CCDC27: variants seen among roughly 807,000 people sequenced by gnomAD.
CCDC27 encodes the protein coiled-coil domain-containing protein 27.
In CCDC27, 80 loss-of-function variants were observed where a neutral mutation model predicts 80.3. That is an observed-to-expected ratio of 1.00 (90% confidence interval 0.83 to 1.20). The LOEUF (loss-of-function observed/expected upper bound fraction) is 1.20. Ranked by LOEUF, CCDC27 falls within the 50% of genes most tolerant of loss-of-function variation. CCDC27 has a pLI of 0.00. For synonymous variants in CCDC27, 342 were observed against 334.3 expected (o/e 1.02, Z -0.25); for missense variants, 815 against 809.4 (o/e 1.01, Z -0.08).
chr1:3,770,232 G>C (rs564553910), intron 11 of CCDC27, among the ~76,000 whole-genome samples: 1 of 152,174 alleles, frequency 6.6e-6, no homozygotes, highest in Non-Finnish European at 1.5e-5. Context: ...GCCCAGCCCC[G>C]GCTTTGTCCA....
Position 3,766,718 on chromosome 1 carries a change from C to G in CCDC27, c.1530+106C>G. 1.2e-6 allele frequency: 1 copy of G among 859,192 alleles called. No homozygotes were observed. The highest frequency in any genetic ancestry group is 1.8e-6 in the Non-Finnish European group (1 of 540,910). The allele number at this position is 859,192 out of a possible 1,614,324, so 53.2% of individuals were successfully genotyped here. On this transcript the variant is annotated intron_variant, in intron 9 of 11. Coordinates refer to ENST00000294600, the MANE Select transcript of CCDC27 (RefSeq NM_152492.3). The surrounding 1 kb of genome is among the most constrained non-coding windows in gnomAD (Gnocchi z 6.1). ...GGCTGGAGCGTCTTCACAGCTGAGC[C>G]AGGACCCCTTCGGTAGCATGCCACT...
intron 11 of CCDC27, among the ~76,000 whole-genome samples, chr1:3,770,504 G>C (rs1015402063): frequency 5.9e-5 from 9 of 152,244 alleles, no homozygotes; most frequent in African/African-American, 2.2e-4. Flanking sequence ...ATGCTCACCT[G>C]CAAGGTGTCG....
In CCDC27 at chr1:3,769,697, A is replaced by T; in HGVS notation, c.1744-86A>T. 5.6e-6 allele frequency: 5 copies of T among 888,338 alleles called. No homozygotes were observed. 55.0% of individuals were successfully genotyped at this position (888,338 alleles called of 1,614,324 possible). On this transcript the variant is annotated intron_variant, in intron 10 of 11. Coordinates refer to ENST00000294600, the MANE Select transcript of CCDC27 (RefSeq NM_152492.3). The surrounding 1 kb of genome is among the most constrained non-coding windows in gnomAD (Gnocchi z 4.6). Reference sequence around the variant, plus strand: ...GTGAGCTGTTCCTTCCTGGTACATAAAAAATAAGGTGGTGGGGGGTGCAGC... The same window carrying T: ...GTGAGCTGTTCCTTCCTGGTACATATAAAATAAGGTGGTGGGGGGTGCAGC...
Position 3,769,712 on chromosome 1 carries a change from G to A in CCDC27, c.1744-71G>A. 3 of 992,746 alleles carry A rather than the reference G, an allele frequency of 3.0e-6. No homozygotes were observed. Among genetic ancestry groups the A allele is most frequent in the East Asian group, 2.4e-5 (1 of 41,952 alleles). The allele number at this position is 992,746 out of a possible 1,614,324, so 61.5% of individuals were successfully genotyped here. On this transcript the variant is annotated intron_variant, in intron 10 of 11. Coordinates refer to ENST00000294600, the MANE Select transcript of CCDC27 (RefSeq NM_152492.3). This position sits in a 1 kb window ranked among gnomAD's most constrained non-coding sequence, Gnocchi z 4.6. ...CTGGTACATAAAAAATAAGGTGGTG[G>A]GGGGTGCAGCCCACTGGCCAGGTGC...
rs41315314 is a variant in CCDC27, at chr1:3,752,765, C to A, written c.284C>A (p.Ser95Ter). 2 of 1,613,030 alleles carry A rather than the reference C, an allele frequency of 1.2e-6. No individual in the cohort carries two copies. Among genetic ancestry groups the A allele is most frequent in the Non-Finnish European group, 1.7e-6 (2 of 1,179,638 alleles). Residue 95 changes from serine (S) to a stop codon, truncating the protein, a stop_gained, in exon 1 of 12, where the codon TCG becomes TAG. Transcript: ENST00000294600. LOFTEE classifies it high-confidence loss of function. ...CAAAAGCCACGCACGCTCAGCAAGTCGGTCCAGACCATCAGCCGCTACTAC... is the reference window on the plus strand; with the variant it reads ...CAAAAGCCACGCACGCTCAGCAAGTAGGTCCAGACCATCAGCCGCTACTAC... ...PHQKPRTLSK[S>*]VQTISRYYRK...
At chr1:3,755,419 C>A (rs1297296192) in intron 2 of CCDC27, 38 bp from the exon 3 acceptor site, 5 of 1,538,950 alleles carry the variant, frequency 3.2e-6, no homozygotes, top group Non-Finnish European at 4.5e-6. Flanking sequence ...GAGACAAGAC[C>A]GCAGCAGTCA....
Position 3,755,544 on chromosome 1 carries a change from G to A in CCDC27, c.530G>A (p.Arg177Gln), listed in dbSNP as rs201434850. 699 of 1,613,966 alleles carry A rather than the reference G, an allele frequency of 4.3e-4. 3 individuals are homozygous for A. The East Asian group carries it at 4.7e-3, about 11-fold the overall frequency. Residue 177 changes from arginine (R) to glutamine (Q), a missense_variant, in exon 3 of 12, where the codon CGG (arginine) becomes CAG (glutamine). Coordinates refer to ENST00000294600, the MANE Select transcript of CCDC27 (RefSeq NM_152492.3). ...ACCCAGGACCTGTTCTTGGCCAGGC[G>A]GGGCTCAGACACGAACGTGGACGGT... ...RGTQDLFLAR[R>Q]GSDTNVDGYL... is the part of the protein sequence containing the mutation.
intron 4 of CCDC27, among the ~76,000 whole-genome samples, chr1:3,759,483 T>C (rs889432127): frequency 2.0e-5 from 3 of 152,230 alleles, no homozygotes; most frequent in African/African-American, 7.2e-5. Flanking sequence ...CATTGGAGTT[T>C]TATCAATTTT....
chr1:3,763,131 G>A lies in CCDC27; in HGVS notation c.978G>A (p.Pro326=), dbSNP rs961673749. The A allele has an allele frequency of 6.3e-5, 94 of 1,481,142 alleles. 1 individual carries two copies. Among genetic ancestry groups the A allele is most frequent in the South Asian group, 5.3e-4 (37 of 70,226 alleles). 91.7% of individuals were successfully genotyped at this position (1,481,142 alleles called of 1,614,324 possible). A position where few individuals can be genotyped will look rare whatever the true frequency, so the allele number is the denominator to read the frequency against. ...AGATGCAGGAGGAGTCTGCGGCACC[G>A]GAGAGGGGCAAGGAGCCCGACCTGG... is the stretch of plus-strand genomic sequence containing the variant. ...WWQMQEESAA[P]ERGKEPDLGG... Residue 326 remains proline (P), a synonymous_variant, in exon 7 of 12, where the codon CCG becomes CCA. Coordinates refer to ENST00000294600, the MANE Select transcript of CCDC27 (RefSeq NM_152492.3). The surrounding 1 kb of genome is among the most constrained non-coding windows in gnomAD (Gnocchi z 7.5).
chr1:3,771,320 T>A (rs1214897637), intron 11 of CCDC27, 81 bp from the exon 12 acceptor site: 2 of 1,572,988 alleles, frequency 1.3e-6, no homozygotes, highest in South Asian at 1.1e-5. Context: ...CCCGGGCAGC[T>A]GGCACGGACT....
At chr1:3,756,424 A>G in intron 3 of CCDC27, 1 of 258,910 alleles carries the variant, frequency 3.9e-6, no homozygotes, top group Non-Finnish European at 7.5e-6. Context: ...CAGCATCAGG[A>G]TGACCCCCTC....
At chr1:3,755,710 G>A (rs1053931652) in intron 3 of CCDC27, 143 bp downstream of exon 3, 10 of 688,182 alleles carry the variant, frequency 1.5e-5, no homozygotes, top group East Asian at 5.3e-5. Context: ...AAAGGCCTCC[G>A]GGCCTCCCTT....
At chr1:3,765,393 G>A (rs1254574954) in intron 8 of CCDC27, among the ~76,000 whole-genome samples, 1 of 152,080 alleles carries the variant, frequency 6.6e-6, no homozygotes, top group Non-Finnish European at 1.5e-5. Flanking sequence ...CTTTAGTTCT[G>A]GAATTTTCTT....
intron 8 of CCDC27, among the ~76,000 whole-genome samples, chr1:3,765,374 A>G (rs1205554330): frequency 2.0e-5 from 3 of 151,722 alleles, no homozygotes; most frequent in Non-Finnish European, 4.4e-5. Context: ...CCATCTGGAA[A>G]CTCATGTCCT....
In CCDC27 at chr1:3,763,459, T is replaced by A; in HGVS notation, c.1306T>A (p.Tyr436Asn). 1 of 1,604,384 alleles carries A rather than the reference T, an allele frequency of 6.2e-7. No homozygotes were observed. Among genetic ancestry groups the A allele is most frequent in the Non-Finnish European group, 8.5e-7 (1 of 1,175,728 alleles). The change falls in exon 7 of 12, where the codon TAC becomes AAC. Residue 436 changes from tyrosine to asparagine, a missense_variant. Physicochemically the swap from Tyr to Asn is moderately radical, Grantham distance 143. Transcript: ENST00000294600. The surrounding 1 kb of genome is among the most constrained non-coding windows in gnomAD (Gnocchi z 7.5). ...CAACCTGGAGGCCACCAGGACCAGATACTCCCTTGCAACAGGTAGGGCCTC... is the reference window on the plus strand; with the variant it reads ...CAACCTGGAGGCCACCAGGACCAGAAACTCCCTTGCAACAGGTAGGGCCTC... ...QFNLEATRTRYSLATGVIASL... is the reference protein window; with the variant it reads ...QFNLEATRTRNSLATGVIASL...
Position 3,763,066 on chromosome 1 carries a change from GC to G in CCDC27, c.955-38del, listed in dbSNP as rs1035782458. 5 of 1,451,506 alleles carry G rather than the reference GC, an allele frequency of 3.4e-6. No homozygotes were observed. Among genetic ancestry groups the G allele is most frequent in the Non-Finnish European group, 3.6e-6 (4 of 1,101,212 alleles). The allele number at this position is 1,451,506 out of a possible 1,614,324, so 89.9% of individuals were successfully genotyped here. A position where few individuals can be genotyped will look rare whatever the true frequency, so the allele number is the denominator to read the frequency against. ...CATTAGAGCCCTCTGCCCTGGGGGT[GC>G]CCCGCAGCCCTGCCCAGCCCCTGCC... On this transcript the variant is annotated intron_variant, in intron 6 of 11. Transcript: ENST00000294600. The surrounding 1 kb of genome is among the most constrained non-coding windows in gnomAD (Gnocchi z 7.5).
chr1:3,755,868 A>G, intron 3 of CCDC27: 1 of 360,644 alleles, frequency 2.8e-6, no homozygotes, highest in Non-Finnish European at 5.3e-6. Context: ...CACTGTGGGT[A>G]GAGACCCCCC....
chr1:3,754,749 C>T (rs1307425815), intron 2 of CCDC27, among the ~76,000 whole-genome samples: 1 of 151,542 alleles, frequency 6.6e-6, no homozygotes, highest in Non-Finnish European at 1.5e-5. Context: ...CCAGCATCTG[C>T]TCCTGGACCT....
rs774927767 is a variant in CCDC27, at chr1:3,771,395, G to C, written c.1849-6G>C. On this transcript the variant is annotated splice_polypyrimidine_tract_variant and splice_region_variant and intron_variant, in intron 11 of 11. Transcript: ENST00000294600. ...GGCCACCTCGACGGCTGTGTTTCTTGTGTAGAGAATTATCTCAGAGAGAAG... is the reference window on the plus strand; with the variant it reads ...GGCCACCTCGACGGCTGTGTTTCTTCTGTAGAGAATTATCTCAGAGAGAAG... 3.1e-6 allele frequency: 5 copies of C among 1,613,930 alleles called. No homozygotes were observed. Among genetic ancestry groups the C allele is most frequent in the Non-Finnish European group, 4.2e-6 (5 of 1,179,896 alleles).
Sources: gnomAD v4.1 joint callset for allele counts (sites outside exome capture counted in the v4.1 genomes callset) on GRCh38, gnomAD v4.1.1 for gene constraint, Gnocchi (gnomAD v3.1) non-coding constraint, MANE v1.5 for transcripts, NCBI Gene and HGNC (gene_info 2026-07-23, HGNC 2026-07-21) for gene names.